The following PPP3CA variants were observed in gnomAD, a reference collection of about 807,000 sequenced individuals.
The protein encoded by PPP3CA is protein phosphatase 3 catalytic subunit alpha, also known as CAM-PRP catalytic subunit.
In PPP3CA, 14 loss-of-function variants were observed where a neutral mutation model predicts 66.5. That is an observed-to-expected ratio of 0.21 (90% CI 0.14 to 0.33). PPP3CA has a LOEUF of 0.33. Among genes scored for constraint, PPP3CA ranks in the 10% least tolerant of loss-of-function variants. The probability of loss-of-function intolerance (pLI) is 1.00; values close to 1 mark genes in which losing one functional copy is unlikely to be tolerated. For missense variants in PPP3CA, 317 were observed against 639.5 expected, an observed-to-expected ratio of 0.50 and a Z score of 5.44; for synonymous variants, 232 against 226.2, an observed-to-expected ratio of 1.03 and a Z score of -0.23.
intron 2 of PPP3CA, among the ~76,000 whole-genome samples, chr4:101,136,900 G>A (rs977181650): frequency 3.3e-5 from 5 of 151,946 alleles, no homozygotes; most frequent in African/African-American, 7.3e-5. Flanking sequence ...CTCAACATAC[G>A]TGGTTCCAAC....
At chr4:101,279,522 C>G (rs1016530872) in intron 1 of PPP3CA, among the ~76,000 whole-genome samples, 2 of 152,092 alleles carry the variant, frequency 1.3e-5, no homozygotes, top group Non-Finnish European at 2.9e-5. Flanking sequence ...AAAAGCATTC[C>G]CATGACTCAC....
At chr4:101,080,683 A>G (rs1471700241) in intron 7 of PPP3CA, 57 bp from the exon 8 acceptor site, 2 of 1,076,118 alleles carry the variant, frequency 1.9e-6, no homozygotes, top group Non-Finnish European at 2.6e-6. Context: ...ATAATATCAA[A>G]TCATAGATTG....
intron 1 of PPP3CA, among the ~76,000 whole-genome samples, chr4:101,253,970 C>T (rs903901741): frequency 6.6e-6 from 1 of 151,984 alleles, no homozygotes; most frequent in Non-Finnish European, 1.5e-5. Context: ...CTTTGCCCCT[C>T]CCACCTCCAT....
At chr4:101,304,177 T>C (rs756718294) in intron 1 of PPP3CA, among the ~76,000 whole-genome samples, 37 of 152,190 alleles carry the variant, frequency 2.4e-4, no homozygotes, top group Non-Finnish European at 1.9e-4. Context: ...CATCAGGATA[T>C]TTCAGTAATA....
intron 1 of PPP3CA, among the ~76,000 whole-genome samples, chr4:101,289,670 C>T (rs984405359): frequency 1.3e-5 from 2 of 151,988 alleles, no homozygotes; most frequent in Admixed American, 6.6e-5. Context: ...TTAGTGTATA[C>T]ATTTTCATAG....
At chr4:101,230,551 C>A (rs1369143972) in intron 1 of PPP3CA, among the ~76,000 whole-genome samples, 2 of 151,344 alleles carry the variant, frequency 1.3e-5, no homozygotes, top group Non-Finnish European at 3.0e-5. Context: ...AACAAACAAA[C>A]TAAATAAATA....
Position 101,045,562 on chromosome 4 carries a change from T to C in PPP3CA, c.1157-4996A>G, listed in dbSNP as rs183804987. Among the ~76,000 whole-genome samples the C allele has an allele frequency of 2.6e-3, 394 of 152,280 alleles. 1 individual carries two copies. The highest frequency in any genetic ancestry group is 8.6e-3 in the African/African-American group (359 of 41,558). ...AAAGAAAGAAGAATGACATTCTCCA[T>C]AGAGATTTTTTAAATGTGTAAAGGC... On this transcript the variant is annotated intron_variant, in intron 10 of 13. Transcript: ENST00000394854.
chr4:101,184,939 G>A (rs560257390), intron 2 of PPP3CA, among the ~76,000 whole-genome samples: 20 of 152,166 alleles, frequency 1.3e-4, no homozygotes, highest in African/African-American at 4.6e-4. Flanking sequence ...GGGGAGCTGC[G>A]GCAGTCCCAC....
intron 2 of PPP3CA, among the ~76,000 whole-genome samples, chr4:101,158,727 C>T (rs905597818): frequency 3.3e-5 from 5 of 152,060 alleles, no homozygotes; most frequent in Non-Finnish European, 7.3e-5. Context: ...TCTGGTTATT[C>T]AATACCCAAA....
At chr4:101,154,607 TA>T (rs758199350) in intron 2 of PPP3CA, among the ~76,000 whole-genome samples, 2 of 152,156 alleles carry the variant, frequency 1.3e-5, no homozygotes, top group Admixed American at 6.5e-5. Flanking sequence ...CACTGGATTT[TA>T]GAAATTGCTG....
intron 2 of PPP3CA, among the ~76,000 whole-genome samples, chr4:101,145,979 T>C (rs1722956946): frequency 6.6e-6 from 1 of 152,174 alleles, no homozygotes; most frequent in Non-Finnish European, 1.5e-5. Context: ...TCACATTTTA[T>C]TTAGTTCAAA....
At chr4:101,257,937 A>G (rs567639249) in intron 1 of PPP3CA, among the ~76,000 whole-genome samples, 1 of 152,240 alleles carries the variant, frequency 6.6e-6, no homozygotes, top group Non-Finnish European at 1.5e-5. Flanking sequence ...TGTTCAAAAC[A>G]AATTTATTAA....
intron 2 of PPP3CA, among the ~76,000 whole-genome samples, chr4:101,194,813 C>T (rs1014553925): frequency 2.0e-5 from 3 of 152,072 alleles, no homozygotes; most frequent in Admixed American, 6.6e-5. Flanking sequence ...GTAATCCACC[C>T]ACCTCGGCCT....
At chr4:101,294,366 G>A (rs950744616) in intron 1 of PPP3CA, among the ~76,000 whole-genome samples, 20 of 152,048 alleles carry the variant, frequency 1.3e-4, no homozygotes, top group African/African-American at 9.7e-5. Flanking sequence ...ACCCAATTAG[G>A]AACCATCAAA....
At chr4:101,289,073 TCTG>T (rs1021481926) in intron 1 of PPP3CA, among the ~76,000 whole-genome samples, 1 of 152,164 alleles carries the variant, frequency 6.6e-6, no homozygotes, top group African/African-American at 2.4e-5. Flanking sequence ...ATGACACTGG[TCTG>T]CTATCTTTTA....
In PPP3CA at chr4:101,331,483, C is replaced by T. The variant is rs6812393; in HGVS notation, c.58+15256G>A. On this transcript the variant is annotated intron_variant, in intron 1 of 13. Coordinates refer to ENST00000394854, the MANE Select transcript of PPP3CA (RefSeq NM_000944.5). Reference sequence around the variant, plus strand: ...AGAGATCAACTGGATAAGACCCTGCCCCTCAGAGATTTCTCAGTTAATGAA... The same window carrying T: ...AGAGATCAACTGGATAAGACCCTGCTCCTCAGAGATTTCTCAGTTAATGAA... Among the ~76,000 whole-genome samples, 205 of 152,194 alleles carry T rather than the reference C, an allele frequency of 1.3e-3. 2 individuals are homozygous for T. Among genetic ancestry groups the T allele is most frequent in the African/African-American group, 4.6e-3 (192 of 41,538 alleles).
chr4:101,292,613 A>G (rs1728064954), intron 1 of PPP3CA, among the ~76,000 whole-genome samples: 1 of 152,208 alleles, frequency 6.6e-6, no homozygotes, highest in African/African-American at 2.4e-5. Flanking sequence ...CAATGAATTG[A>G]AGAGAGATTT....
intron 2 of PPP3CA, among the ~76,000 whole-genome samples, chr4:101,192,086 A>G (rs777343957): frequency 6.6e-5 from 10 of 152,240 alleles, no homozygotes; most frequent in Admixed American, 6.5e-4. Flanking sequence ...TGAAAGGAAA[A>G]CAGGAAAATA....
intron 5 of PPP3CA, among the ~76,000 whole-genome samples, chr4:101,094,658 A>G (rs1201987643): frequency 6.6e-6 from 1 of 152,198 alleles, no homozygotes; most frequent in Non-Finnish European, 1.5e-5. Context: ...TTTTACCTGA[A>G]GCCTTCATAT....
Sources: gnomAD v4.1 joint callset for allele counts (sites outside exome capture counted in the v4.1 genomes callset) on GRCh38, gnomAD v4.1.1 for gene constraint, MANE v1.5 for transcripts, NCBI Gene and HGNC (gene_info 2026-07-23, HGNC 2026-07-21) for gene names.